Variants in IQCH observed in about 807,000 individuals in gnomAD.
The protein encoded by IQCH is IQ motif containing H, also known as IQ domain-containing protein H.
IQCH carries 98 observed loss-of-function variants against 117.0 expected under a neutral mutation model. The observed-to-expected ratio is 0.84, with a 90% confidence interval of 0.71 to 0.99. The LOEUF is 0.99. IQCH is among the 50% of genes least tolerant of loss of function. The pLI, the probability that IQCH is intolerant of heterozygous loss-of-function variation, is 0.00. For synonymous variants in IQCH, 412 were observed against 448.2 expected (o/e 0.92, Z 1.02); for missense variants, 1,102 against 1,243.8 (o/e 0.89, Z 1.72).
chr15:67,448,994 A>G (rs969676680), intron 16 of IQCH, among the ~76,000 whole-genome samples: 14 of 152,004 alleles, frequency 9.2e-5, no homozygotes, highest in African/African-American at 3.1e-4. Context: ...GCATTTTTTC[A>G]TGTGTGTTTT....
intron 16 of IQCH, among the ~76,000 whole-genome samples, chr15:67,461,030 C>G (rs1462940620): frequency 1.3e-5 from 2 of 152,154 alleles, no homozygotes; most frequent in African/African-American, 4.8e-5. Context: ...ACAAGAGTAC[C>G]TAGTGCTGAG....
chr15:67,396,105 C>T (rs1226271042), intron 13 of IQCH, among the ~76,000 whole-genome samples: 1 of 152,186 alleles, frequency 6.6e-6, no homozygotes, highest in East Asian at 1.9e-4. Context: ...GACTAATCTG[C>T]TATCAATATT....
At chr15:67,415,705 TG>T (rs1344847554) in intron 14 of IQCH, among the ~76,000 whole-genome samples, 1 of 152,150 alleles carries the variant, frequency 6.6e-6, no homozygotes, top group Non-Finnish European at 1.5e-5. Context: ...CCCCCAAAGC[TG>T]ATCCCTTCAA....
In IQCH at chr15:67,455,306, AC is replaced by A. The variant is rs565372718; in HGVS notation, c.2506-9820del. ...CTAGGAATTTCCCAAAAGTAAACAA[AC>A]TTGCCTTGAATTTGAAATCAAGGGC... is the stretch of plus-strand genomic sequence containing the variant. On this transcript the variant is annotated intron_variant, in intron 16 of 20. Coordinates refer to ENST00000335894, the MANE Select transcript of IQCH (RefSeq NM_001031715.3). 7.9e-5 allele frequency among the ~76,000 whole-genome samples: 12 copies of A among 152,234 alleles called. 1 individual carries two copies. In the South Asian group the frequency reaches 2.5e-3, roughly 32 times the overall value.
intron 3 of IQCH, 56 bp from the exon 4 acceptor site, chr15:67,279,339 T>G: frequency 2.2e-6 from 2 of 912,498 alleles, no homozygotes; most frequent in Non-Finnish European, 3.5e-6. Flanking sequence ...AAATTACAAT[T>G]TGAAAAGCTT....
intron 4 of IQCH, among the ~76,000 whole-genome samples, chr15:67,327,367 G>A (rs1408114192): frequency 1.3e-5 from 2 of 152,064 alleles, no homozygotes; most frequent in Non-Finnish European, 2.9e-5. Context: ...GACATGCAAT[G>A]TCTGAATATT....
intron 6 of IQCH, among the ~76,000 whole-genome samples, chr15:67,345,137 C>T (rs1969331164): frequency 6.6e-6 from 1 of 152,100 alleles, no homozygotes; most frequent in South Asian, 2.1e-4. Flanking sequence ...TTACAGGCAC[C>T]CATCACCACG....
At chr15:67,334,909 T>G (rs1203127998) in intron 4 of IQCH, among the ~76,000 whole-genome samples, 3 of 152,196 alleles carry the variant, frequency 2.0e-5, no homozygotes, top group African/African-American at 7.2e-5. Flanking sequence ...GTTTCATTCC[T>G]TCACCCTCCA....
At chr15:67,343,036 G>C (rs1218816628) in intron 5 of IQCH, among the ~76,000 whole-genome samples, 1 of 152,062 alleles carries the variant, frequency 6.6e-6, no homozygotes, top group Non-Finnish European at 1.5e-5. Context: ...CTATTTTTCA[G>C]CTCTCCAACC....
rs555615704 is a variant in IQCH at position 67,387,053 on chromosome 15, A to C, written c.1457-1778A>C. Among the ~76,000 whole-genome samples the C allele has an allele frequency of 6.6e-6, 1 of 152,204 alleles. No homozygotes were observed. The highest frequency in any genetic ancestry group is 2.1e-4 in the South Asian group (1 of 4,810). On this transcript the variant is annotated intron_variant, in intron 11 of 20. Coordinates refer to ENST00000335894, the MANE Select transcript of IQCH (RefSeq NM_001031715.3). The surrounding 1 kb of genome is among the most constrained non-coding windows in gnomAD (Gnocchi z 4.8). ...CCCTATTCTTTCATACTTAAAAAAA[A>C]CTCATTAGTTTGATTTTTAAAACCT...
chr15:67,336,895 CTTTA>C (rs1299978113), intron 4 of IQCH, 76 bp from the exon 5 acceptor site: 85 of 1,401,474 alleles, frequency 6.1e-5, no homozygotes, highest in Middle Eastern at 1.9e-4. Flanking sequence ...CTATTCATAA[CTTTA>C]TTTATTGTTT....
intron 16 of IQCH, among the ~76,000 whole-genome samples, chr15:67,441,871 A>G (rs988591527): frequency 6.6e-5 from 10 of 152,182 alleles, no homozygotes; most frequent in African/African-American, 2.4e-4. Flanking sequence ...TATAATAAAA[A>G]CAAAGATAAA....
chr15:67,382,901 G>A (rs144636263), intron 10 of IQCH, among the ~76,000 whole-genome samples: 177 of 152,278 alleles, frequency 1.2e-3, no homozygotes, highest in African/African-American at 3.9e-3. Context: ...TGATAGTTTC[G>A]TGGTTAAGTC....
intron 4 of IQCH, among the ~76,000 whole-genome samples, chr15:67,280,467 G>A (rs1966307013): frequency 6.6e-6 from 1 of 152,218 alleles, no homozygotes; most frequent in Admixed American, 6.5e-5. Flanking sequence ...TCCGGTGTCT[G>A]GTGAGGTCTT....
At chr15:67,338,205 G>GTCTGTCTATCTA (rs1555455330) in intron 5 of IQCH, among the ~76,000 whole-genome samples, 2 of 105,524 alleles carry the variant, frequency 1.9e-5, no homozygotes, top group Non-Finnish European at 4.5e-5. Flanking sequence ...ATATCTGTCT[G>GTCTGTCTATCTA]TCTATCTATC....
chr15:67,449,657 G>A (rs1204417434), intron 16 of IQCH, among the ~76,000 whole-genome samples: 12 of 152,282 alleles, frequency 7.9e-5, no homozygotes, highest in Admixed American at 1.3e-4. Flanking sequence ...GTCAGGTAGC[G>A]TGATGCCTCC....
chr15:67,321,931 G>A (rs775911401), intron 4 of IQCH, among the ~76,000 whole-genome samples: 12 of 152,192 alleles, frequency 7.9e-5, no homozygotes, highest in Non-Finnish European at 1.6e-4. Context: ...TGAAAAGAAT[G>A]TATATCCTAC....
intron 4 of IQCH, chr15:67,281,627 C>T (rs916515573): frequency 6.6e-6 from 3 of 451,734 alleles, no homozygotes; most frequent in African/African-American, 6.0e-5. Flanking sequence ...TCTCCCAGAT[C>T]CAGGAAATGA....
chr15:67,330,699 G>A (rs552359057), intron 4 of IQCH, among the ~76,000 whole-genome samples: 57 of 152,282 alleles, frequency 3.7e-4, no homozygotes, highest in Non-Finnish European at 6.9e-4. Context: ...GGGCCATGAA[G>A]CAGTGACATG....
Sources: gnomAD v4.1 joint callset for allele counts (sites outside exome capture counted in the v4.1 genomes callset) on GRCh38, gnomAD v4.1.1 for gene constraint, Gnocchi (gnomAD v3.1) non-coding constraint, MANE v1.5 for transcripts, NCBI Gene and HGNC (gene_info 2026-07-23, HGNC 2026-07-21) for gene names.